The following IPO11 variants were observed in gnomAD, a reference collection of about 807,000 sequenced individuals.
IPO11 encodes the protein importin 11.
Under a neutral mutation model 143.2 loss-of-function variants are expected in IPO11, and 66 were observed. The ratio of observed to expected loss-of-function variants is 0.46; its 90% CI spans 0.38 to 0.57. The LOEUF is 0.57. IPO11 is among the 20% of genes least tolerant of loss of function. The pLI, the probability that IPO11 is intolerant of heterozygous loss-of-function variation, is 0.00. For synonymous variants in IPO11, 385 were observed against 377.8 expected, an observed-to-expected ratio of 1.02 and a Z score of -0.22; for missense variants, 1,026 against 1,141.0, an observed-to-expected ratio of 0.90 and a Z score of 1.45.
At chr5:62,515,545 A>G in intron 20 of IPO11, 44 bp downstream of exon 20, 1 of 1,296,204 alleles carries the variant, frequency 7.7e-7, no homozygotes, top group Non-Finnish European at 1.1e-6. Context: ...AGTGGTTTTT[A>G]AAAAATTCTT....
At chr5:62,489,420 T>G (rs1280573984) in intron 14 of IPO11, 71 bp downstream of exon 14, 4 of 1,134,144 alleles carry the variant, frequency 3.5e-6, no homozygotes, top group Non-Finnish European at 5.0e-6. Context: ...TGTGGTAGAT[T>G]TTGTGCTGAG....
chr5:62,606,519 T>TGG, intron 29 of IPO11, among the ~76,000 whole-genome samples: 1 of 144,862 alleles, frequency 6.9e-6, no homozygotes, highest in South Asian at 2.2e-4. Flanking sequence ...AGAACCCTTA[T>TGG]GTCTCATTAC....
At chr5:62,586,471 T>C (rs762990710) in intron 27 of IPO11, among the ~76,000 whole-genome samples, 58 of 152,192 alleles carry the variant, frequency 3.8e-4, no homozygotes, top group Admixed American at 4.6e-4. Flanking sequence ...CCTTTTCAAA[T>C]AACTTTGGTA....
In IPO11 at chr5:62,506,348, C is replaced by G. The variant is rs748122736; in HGVS notation, c.1773C>G (p.Val591=). 8 of 1,479,764 alleles carry G rather than the reference C, an allele frequency of 5.4e-6. No homozygotes were observed. Among genetic ancestry groups the G allele is most frequent in the Non-Finnish European group, 7.5e-6 (8 of 1,064,676 alleles). The allele number at this position is 1,479,764 out of a possible 1,614,324, so 91.7% of individuals were successfully genotyped here. ...TCCTTTCTTGTGTGATCGAAAGAGTCAACATGCAGGTAATTATATTGTAAA... is the reference window on the plus strand; with the variant it reads ...TCCTTTCTTGTGTGATCGAAAGAGTGAACATGCAGGTAATTATATTGTAAA... ...LHVLSCVIER[V]NMQIRPYVGC... The change falls in exon 19 of 30, where the codon GTC becomes GTG. Residue 591 remains valine, a synonymous_variant. Coordinates refer to ENST00000325324, the MANE Select transcript of IPO11 (RefSeq NM_016338.5).
At chr5:62,485,363 TTTG>T (rs1365611045) in intron 11 of IPO11, 53 bp from the exon 12 acceptor site, 2 of 1,373,512 alleles carry the variant, frequency 1.5e-6, no homozygotes, top group African/African-American at 2.9e-5. Flanking sequence ...TATTAAAATC[TTTG>T]TTTTCTAAAC....
Position 62,474,481 on chromosome 5 carries a change from C to T in IPO11, c.757+17C>T. The T allele has an allele frequency of 6.4e-7, 1 of 1,560,302 alleles. No homozygotes were observed. Among genetic ancestry groups the T allele is most frequent in the Admixed American group, 2.0e-5 (1 of 49,316 alleles). On this transcript the variant is annotated intron_variant, in intron 8 of 29. Transcript: ENST00000325324. Reference sequence around the variant, plus strand: ...TGGAATGCAGTAAGTACTTTCGTTGCAGTCCTTTTTACTGTAGAATTTTTA... The same window carrying T: ...TGGAATGCAGTAAGTACTTTCGTTGTAGTCCTTTTTACTGTAGAATTTTTA...
chr5:62,491,843 T>C (rs1056528736), intron 15 of IPO11, among the ~76,000 whole-genome samples: 4 of 149,606 alleles, frequency 2.7e-5, no homozygotes, highest in Admixed American at 1.4e-4. Flanking sequence ...TTTTTTTGTA[T>C]TTTTTTTTAG....
At chr5:62,561,033 T>C in intron 26 of IPO11, 103 bp from the exon 27 acceptor site, 1 of 1,042,116 alleles carries the variant, frequency 9.6e-7, no homozygotes, top group Non-Finnish European at 1.4e-6. Flanking sequence ...TTTACTATAA[T>C]TGAATTTTAA....
chr5:62,457,092 G>GA (rs1245115617), intron 5 of IPO11, among the ~76,000 whole-genome samples: 1 of 152,058 alleles, frequency 6.6e-6, no homozygotes, highest in Non-Finnish European at 1.5e-5. Flanking sequence ...GGGTGGGGGG[G>GA]AAAATATCTG....
chr5:62,487,959 G>A, intron 13 of IPO11, 98 bp downstream of exon 13: 2 of 972,634 alleles, frequency 2.1e-6, no homozygotes, highest in Non-Finnish European at 1.5e-6. Context: ...TGTTTCCTGG[G>A]TCATATAATA....
At chr5:62,481,560 G>T (rs966145277) in intron 9 of IPO11, among the ~76,000 whole-genome samples, 1 of 152,108 alleles carries the variant, frequency 6.6e-6, no homozygotes, top group Non-Finnish European at 1.5e-5. Flanking sequence ...GATGGATTAC[G>T]TTCATTGATT....
rs768466231 is a variant in IPO11 at position 62,483,080 on chromosome 5, T to C, written c.829-21T>C. ...TTTGGGGAAAATACATTTTAATTTT[T>C]ATTTATTTATTTTTCTACAGCTTTT... On this transcript the variant is annotated intron_variant, in intron 9 of 29. Transcript: ENST00000325324. 1.4e-5 allele frequency: 20 copies of C among 1,419,908 alleles called. No individual in the cohort carries two copies. The Admixed American group carries it at 3.7e-4, about 26-fold the overall frequency. 88.0% of individuals were successfully genotyped at this position (1,419,908 alleles called of 1,614,324 possible). A position where few individuals can be genotyped will look rare whatever the true frequency, so the allele number is the denominator to read the frequency against.
chr5:62,605,607 T>A (rs1745681511), intron 29 of IPO11, among the ~76,000 whole-genome samples: 1 of 152,000 alleles, frequency 6.6e-6, no homozygotes, highest in Non-Finnish European at 1.5e-5. Flanking sequence ...TAGTTTTTTG[T>A]AATTTTTTGA....
intron 25 of IPO11, among the ~76,000 whole-genome samples, chr5:62,551,019 G>A (rs527693476): frequency 2.1e-5 from 3 of 144,352 alleles, no homozygotes; most frequent in East Asian, 2.0e-4. Context: ...TCTCTTTATT[G>A]TATATATATA....
chr5:62,494,085 T>C lies in IPO11; in HGVS notation c.1551T>C (p.Tyr517=). ...KFKSDLRPML[Y]EAICNLLQDQ... ...AGTCTGACTTAAGACCCATGCTTTA[T>C]GAAGCAATCTGTAACTTGCTTCAAG... Residue 517 remains tyrosine, a synonymous_variant, in exon 16 of 30, where the codon TAT becomes TAC. Transcript: ENST00000325324. 6.2e-7 allele frequency: 1 copy of C among 1,612,968 alleles called. No individual in the cohort carries two copies. Among genetic ancestry groups the C allele is most frequent in the Non-Finnish European group, 8.5e-7 (1 of 1,179,444 alleles).
intron 16 of IPO11, among the ~76,000 whole-genome samples, chr5:62,504,029 C>T (rs1344105904): frequency 6.6e-6 from 1 of 152,068 alleles, no homozygotes; most frequent in Non-Finnish European, 1.5e-5. Flanking sequence ...CCAATTTTAG[C>T]CGATTAAGTC....
chr5:62,568,080 C>G (rs969954983), intron 27 of IPO11, among the ~76,000 whole-genome samples: 1 of 151,880 alleles, frequency 6.6e-6, no homozygotes, highest in Non-Finnish European at 1.5e-5. Context: ...ATCCTCCTAC[C>G]TCAGTCTCCC....
At chr5:62,467,979 G>A (rs921556857) in intron 6 of IPO11, among the ~76,000 whole-genome samples, 1 of 151,908 alleles carries the variant, frequency 6.6e-6, no homozygotes, top group African/African-American at 2.4e-5. Flanking sequence ...ACAGGGTCTT[G>A]CTCTGTCTCC....
rs192575399 is a variant in IPO11 at position 62,474,209 on chromosome 5, T to C, written c.709-207T>C. The stretch of plus-strand genomic sequence containing the variant: ...GTGATTTATGTAACTAAATGAGATA[T>C]TGAAGGGATGAAATACTATAGTTAT... On this transcript the variant is annotated intron_variant, in intron 7 of 29. Coordinates refer to ENST00000325324, the MANE Select transcript of IPO11 (RefSeq NM_016338.5). Among the ~76,000 whole-genome samples the C allele has an allele frequency of 2.6e-5, 4 of 152,292 alleles. No homozygotes were observed. The East Asian group carries it at 5.8e-4, about 22-fold the overall frequency.
Sources: gnomAD v4.1 joint callset for allele counts (sites outside exome capture counted in the v4.1 genomes callset) on GRCh38, gnomAD v4.1.1 for gene constraint, MANE v1.5 for transcripts, NCBI Gene and HGNC (gene_info 2026-07-23, HGNC 2026-07-21) for gene names.